Variants in STRN3 observed in about 807,000 individuals in gnomAD.
STRN3 encodes striatin-3.
In STRN3, 29 loss-of-function variants were observed where a neutral mutation model predicts 95.6. That is an observed-to-expected ratio of 0.30 (90% confidence interval 0.23 to 0.41). STRN3 has a LOEUF of 0.41. STRN3 is among the 10% of genes least tolerant of loss of function. STRN3 has a pLI of 1.00. For missense variants in STRN3, 890 were observed against 972.1 expected (o/e 0.92, Z 1.12); for synonymous variants, 331 against 357.6 (o/e 0.93, Z 0.84).
At chr14:30,948,434 G>A (rs1168412801) in intron 4 of STRN3, among the ~76,000 whole-genome samples, 1 of 152,024 alleles carries the variant, frequency 6.6e-6, no homozygotes, top group Non-Finnish European at 1.5e-5. Flanking sequence ...GAAAGTCTGG[G>A]TATACAAACA....
intron 16 of STRN3, among the ~76,000 whole-genome samples, chr14:30,896,744 A>G (rs958920342): frequency 2.0e-5 from 3 of 152,194 alleles, no homozygotes; most frequent in Non-Finnish European, 1.5e-5. Context: ...ATCATTTTAC[A>G]TACTCTAAAA....
chr14:30,912,859 G>A (rs938935014), intron 10 of STRN3, among the ~76,000 whole-genome samples: 3 of 151,812 alleles, frequency 2.0e-5, no homozygotes, highest in African/African-American at 7.3e-5. Context: ...GCATGCTAAT[G>A]TTAAGTATAA....
At chr14:30,993,023 A>G (rs1243009281) in intron 1 of STRN3, among the ~76,000 whole-genome samples, 2 of 152,020 alleles carry the variant, frequency 1.3e-5, no homozygotes, top group Non-Finnish European at 2.9e-5. Context: ...TTATAATCTT[A>G]ATAAGACATC....
chr14:30,987,947 A>G (rs938525223), intron 1 of STRN3, among the ~76,000 whole-genome samples: 1 of 152,146 alleles, frequency 6.6e-6, no homozygotes, highest in Non-Finnish European at 1.5e-5. Context: ...CATGTTGGTC[A>G]GGCTGGTCTT....
At chr14:30,931,546 T>TA (rs1878538027) in intron 7 of STRN3, among the ~76,000 whole-genome samples, 1 of 152,196 alleles carries the variant, frequency 6.6e-6, no homozygotes, top group Admixed American at 6.5e-5. Context: ...TTTATGCAAA[T>TA]ACTCATACTT....
At chr14:31,023,092 C>T (rs1173344217) in intron 1 of STRN3, among the ~76,000 whole-genome samples, 2 of 151,940 alleles carry the variant, frequency 1.3e-5, no homozygotes, top group Non-Finnish European at 2.9e-5. Flanking sequence ...TATGAAATTA[C>T]AAAAAAGAAA....
chr14:30,962,148 T>C (rs1880238877), intron 1 of STRN3, among the ~76,000 whole-genome samples: 1 of 152,222 alleles, frequency 6.6e-6, no homozygotes, highest in South Asian at 2.1e-4. Flanking sequence ...TGTGTGTTTG[T>C]GTCTTCATTT....
At chr14:30,985,674 TAAG>T (rs780738153) in intron 1 of STRN3, among the ~76,000 whole-genome samples, 7 of 151,624 alleles carry the variant, frequency 4.6e-5, no homozygotes, top group Non-Finnish European at 1.0e-4. Context: ...AATATACCAT[TAAG>T]AAGAAACTTT....
At chr14:30,957,383 G>A (rs1172144194) in intron 1 of STRN3, among the ~76,000 whole-genome samples, 1 of 150,118 alleles carries the variant, frequency 6.7e-6, no homozygotes, top group Non-Finnish European at 1.5e-5. Context: ...AACCCAGGAA[G>A]TGGAGCTTGC....
chr14:30,986,263 C>G (rs1319715097), intron 1 of STRN3, among the ~76,000 whole-genome samples: 1 of 152,146 alleles, frequency 6.6e-6, no homozygotes, highest in Non-Finnish European at 1.5e-5. Flanking sequence ...GAAAAAAACA[C>G]TGGCCTCCTG....
intron 16 of STRN3, 148 bp downstream of exon 16, chr14:30,902,387 GC>G (rs1488105447): frequency 1.1e-5 from 6 of 542,000 alleles, no homozygotes; most frequent in Non-Finnish European, 1.9e-5. Context: ...TCATAAGCGT[GC>G]AACATTAAGA....
intron 3 of STRN3, 72 bp downstream of exon 3, chr14:30,955,548 G>A: frequency 7.7e-7 from 1 of 1,300,718 alleles, no homozygotes; most frequent in Non-Finnish European, 1.1e-6. Flanking sequence ...CCAAAATGCG[G>A]GTAAAGAGAA....
intron 1 of STRN3, among the ~76,000 whole-genome samples, chr14:30,997,261 T>C (rs1484657659): frequency 2.6e-5 from 4 of 152,130 alleles, no homozygotes; most frequent in Admixed American, 1.3e-4. Context: ...CAGTGTATTG[T>C]ATGTAGGCTG....
chr14:30,950,711 T>A, intron 4 of STRN3, 152 bp downstream of exon 4: 1 of 642,264 alleles, frequency 1.6e-6, no homozygotes. Context: ...AACAAACTTT[T>A]AAAAAGATCC....
intron 9 of STRN3, among the ~76,000 whole-genome samples, chr14:30,918,581 T>C (rs965102781): frequency 3.3e-5 from 5 of 152,070 alleles, no homozygotes; most frequent in Non-Finnish European, 7.4e-5. Context: ...TAGTAAGTGG[T>C]AATTACTATT....
At position 30,988,172 on chromosome 14, in the gene STRN3, A is replaced by G. The variant is rs536249061; in HGVS notation, c.283-31930T>C. 4.6e-5 allele frequency among the ~76,000 whole-genome samples: 7 copies of G among 152,336 alleles called. No homozygotes were observed. The South Asian group carries it at 1.4e-3, about 32-fold the overall frequency. ...TCCAAACATTCAATAAATGTTTATT[A>G]TACTGAACAAGACTAACACTGATTT... On this transcript the variant is annotated intron_variant, in intron 1 of 17. Transcript: ENST00000357479.
rs543018463 is a variant in STRN3 at position 30,968,466 on chromosome 14, G to C, written c.283-12224C>G. Among the ~76,000 whole-genome samples, 3 of 151,754 alleles carry C rather than the reference G, an allele frequency of 2.0e-5. No homozygotes were observed. In the South Asian group the frequency reaches 6.3e-4, roughly 32 times the overall value. On this transcript the variant is annotated intron_variant, in intron 1 of 17. Transcript: ENST00000357479. Reference sequence around the variant, plus strand: ...GGAGGCCGAGGCGGGCGGATCACGAGGTCAGGAGATCGAGACCACCCTGGC... The same window carrying C: ...GGAGGCCGAGGCGGGCGGATCACGACGTCAGGAGATCGAGACCACCCTGGC...
intron 1 of STRN3, among the ~76,000 whole-genome samples, chr14:30,972,431 C>T (rs56240895): frequency 0.095 from 14,468 of 152,216 alleles, 747 homozygotes; most frequent in South Asian, 0.16. Flanking sequence ...CTCCCTTGTC[C>T]AAGTGTACGT....
intron 14 of STRN3, 55 bp from the exon 15 acceptor site, chr14:30,905,613 TCTA>T: frequency 6.5e-7 from 1 of 1,536,426 alleles, no homozygotes; most frequent in Non-Finnish European, 8.7e-7. Context: ...CTATGAAATC[TCTA>T]CTTTTTGAAA....
Sources: allele counts gnomAD v4.1 joint callset (sites outside exome capture counted in the v4.1 genomes callset), GRCh38; gene constraint gnomAD v4.1.1; transcripts MANE v1.5; gene names NCBI Gene and HGNC (gene_info 2026-07-23, HGNC 2026-07-21).